GRIN3B: variants seen among roughly 807,000 people sequenced by gnomAD.
The protein encoded by GRIN3B is glutamate receptor ionotropic, NMDA 3B.
Under a neutral mutation model 66.0 loss-of-function variants are expected in GRIN3B, and 77 were observed. The observed-to-expected ratio is 1.17, with a 90% confidence interval of 0.97 to 1.41. GRIN3B has a LOEUF of 1.41. Ranked by LOEUF, GRIN3B falls within the 40% of genes most tolerant of loss-of-function variation. The pLI, the probability that GRIN3B is intolerant of heterozygous loss-of-function variation, is 0.00. For missense variants in GRIN3B, 1,787 were observed against 1,564.5 expected, an observed-to-expected ratio of 1.14 and a Z score of -2.40; for synonymous variants, 823 against 749.7, an observed-to-expected ratio of 1.10 and a Z score of -1.60.
At chr19:1,002,887 A>C (rs937480436) in intron 1 of GRIN3B, 5 of 404,386 alleles carry the variant, frequency 1.2e-5, no homozygotes, top group Non-Finnish European at 2.2e-5. Flanking sequence ...AAAAAAAACA[A>C]AAAACACCAA....
chr19:1,003,429 C>T lies in GRIN3B; in HGVS notation c.726C>T (p.Ile242=), dbSNP rs747863490. 16 of 1,542,814 alleles carry T rather than the reference C, an allele frequency of 1.0e-5. No individual in the cohort carries two copies. The highest frequency in any genetic ancestry group is 7.8e-5 in the Admixed American group (4 of 51,340). ...CGGCGGTCCTCCTCGGCTGTGACAT[C>T]GCCCGTGCCCGTCGGGTGCTGGAGG... ...VPAAVLLGCD[I]ARARRVLEAV... Residue 242 remains isoleucine, a synonymous_variant, in exon 2 of 9, where the codon ATC becomes ATT. Transcript: ENST00000234389.
chr19:1,008,317 T>C lies in GRIN3B; in HGVS notation c.2466+26T>C, dbSNP rs763133350. On this transcript the variant is annotated intron_variant, in intron 6 of 8. Transcript: ENST00000234389. ...GTGGGGCAGGGCCTGGGACAGAGGG[T>C]GGGGGTGGGGGTGGGCGTGGGGGGC... is the stretch of plus-strand genomic sequence containing the variant. The C allele has an allele frequency of 7.2e-5, 6 of 83,178 alleles. No individual in the cohort carries two copies. The African/African-American group carries it at 1.4e-3, about 20-fold the overall frequency. The allele number at this position is 83,178 out of a possible 1,614,324, so 5.2% of individuals were successfully genotyped here.
At position 1,003,394 on chromosome 19, in the gene GRIN3B, C is replaced by T. The variant is rs1323936348; in HGVS notation, c.691C>T (p.Pro231Ser). ...GGCGGCGCCAGTGGGGGGTGAAGCA[C>T]CGGTACCCGCGGCGGTCCTCCTCGG... ...PMAAPVGGEA[P>S]VPAAVLLGCD... is the part of the protein sequence containing the mutation. Residue 231 changes from proline to serine, a missense_variant, in exon 2 of 9, where the codon CCG (proline) becomes TCG (serine). Coordinates refer to ENST00000234389, the MANE Select transcript of GRIN3B (RefSeq NM_138690.3). 6.4e-7 allele frequency: 1 copy of T among 1,558,854 alleles called. No individual in the cohort carries two copies. The highest frequency in any genetic ancestry group is 8.6e-7 in the Non-Finnish European group (1 of 1,157,770).
rs779253822 is a variant in GRIN3B at position 1,003,210 on chromosome 19, C to A, written c.507C>A (p.His169Gln). The change falls in exon 2 of 9, where the codon CAC becomes CAA. Residue 169 changes from histidine to glutamine, a missense_variant. Transcript: ENST00000234389. Reference protein sequence around the residue: ...LDVLVAVLQAHAWEDVGLALC... With the variant: ...LDVLVAVLQAQAWEDVGLALC... Reference sequence around the variant, plus strand: ...TGCTGGTGGCGGTGCTGCAGGCGCACGCCTGGGAAGACGTCGGCCTGGCCC... The same window carrying A: ...TGCTGGTGGCGGTGCTGCAGGCGCAAGCCTGGGAAGACGTCGGCCTGGCCC... 1.8e-5 allele frequency: 28 copies of A among 1,559,974 alleles called. No homozygotes were observed. Among genetic ancestry groups the A allele is most frequent in the Non-Finnish European group, 2.3e-5 (26 of 1,154,600 alleles).
chr19:1,004,793 G>A lies in GRIN3B; in HGVS notation c.1292G>A (p.Arg431His), dbSNP rs201092021. ...TLLEHPFVFA[R>H]DPDEDGQCPA... ...TTGGAACACCCATTTGTGTTTGCCC[G>A]TGATCCAGACGAAGACGGGCAGTGC... The change falls in exon 3 of 9, where the codon CGT becomes CAT. Residue 431 changes from arginine to histidine, a missense_variant. Coordinates refer to ENST00000234389, the MANE Select transcript of GRIN3B (RefSeq NM_138690.3). 6.0e-5 allele frequency: 97 copies of A among 1,612,838 alleles called. No individual in the cohort carries two copies. The highest frequency in any genetic ancestry group is 5.8e-4 in the Admixed American group (35 of 60,020).
rs1234603544 is a variant in GRIN3B, at chr19:1,004,991, T to G, written c.1490T>G (p.Leu497Arg). The G allele has an allele frequency of 6.2e-7, 1 of 1,612,120 alleles. No individual in the cohort carries two copies. Among genetic ancestry groups the G allele is most frequent in the Non-Finnish European group, 8.5e-7 (1 of 1,179,600 alleles). ...GAGGACACGCCCTTCGACTTCGAGCTGTACCTCGTGGGTGACGGCAAGTAC... is the reference window on the plus strand; with the variant it reads ...GAGGACACGCCCTTCGACTTCGAGCGGTACCTCGTGGGTGACGGCAAGTAC... ...LAEDTPFDFE[L>R]YLVGDGKYGA... Residue 497 changes from leucine (L) to arginine (R), a missense_variant, in exon 3 of 9, where the codon CTG becomes CGG. Leu to Arg is a moderately radical substitution (Grantham distance 102). Transcript: ENST00000234389.
chr19:1,006,251 C>T lies in GRIN3B; in HGVS notation c.2052+698C>T, dbSNP rs113183999. On this transcript the variant is annotated intron_variant, in intron 3 of 8. Coordinates refer to ENST00000234389, the MANE Select transcript of GRIN3B (RefSeq NM_138690.3). ...GCAACCTCTGCCTCCTGGGCTCAAG[C>T]GATTCTCCTGCCTCAGCCTCCCAAG... Among the ~76,000 whole-genome samples the T allele has an allele frequency of 5.1e-3, 775 of 152,148 alleles. 6 individuals carry two copies. The highest frequency in any genetic ancestry group is 0.018 in the African/African-American group (731 of 41,526).
Position 1,000,630 on chromosome 19 carries a change from C to G in GRIN3B, c.193C>G (p.Arg65Gly), listed in dbSNP as rs1314459124. ...CCTGGCCCGGGCCGCCCTGGCGCCG[C>G]GGCTGCCGCACAACCTGAGCTTGGA... ...AALARAALAP[R>G]LPHNLSLELV... Residue 65 changes from arginine (R) to glycine (G), a missense_variant, in exon 1 of 9, where the codon CGG (arginine) becomes GGG (glycine). Coordinates refer to ENST00000234389, the MANE Select transcript of GRIN3B (RefSeq NM_138690.3). 1.1e-5 allele frequency: 13 copies of G among 1,199,030 alleles called. No homozygotes were observed. The highest frequency in any genetic ancestry group is 1.6e-5 in the African/African-American group (1 of 61,546). 74.3% of individuals were successfully genotyped at this position (1,199,030 alleles called of 1,614,324 possible).
At chr19:1,009,107 C>T in intron 8 of GRIN3B, 66 bp from the exon 9 acceptor site, 1 of 1,446,678 alleles carries the variant, frequency 6.9e-7, no homozygotes, top group Non-Finnish European at 9.1e-7. Flanking sequence ...TCAGCGGCCT[C>T]TGCAGAGGCC....
Position 1,007,947 on chromosome 19 carries a change from G to A in GRIN3B, c.2290G>A (p.Val764Met). 1 of 1,612,104 alleles carries A rather than the reference G, an allele frequency of 6.2e-7. No homozygotes were observed. The highest frequency in any genetic ancestry group is 8.5e-7 in the Non-Finnish European group (1 of 1,179,644). The change falls in exon 5 of 9, where the codon GTG (valine) becomes ATG (methionine). Residue 764 changes from valine to methionine, a missense_variant. Val to Met is a conservative substitution (Grantham distance 21, BLOSUM62 1). Transcript: ENST00000234389. The surrounding 1 kb of genome is among the most constrained non-coding windows in gnomAD (Gnocchi z 4.4). ...SIDADCKLLT[V>M]GKPFAIEGYG... ...CGACGCCGACTGCAAACTGCTGACC[G>A]TGGGAAAGCCCTTCGCCATTGAGGG... is the stretch of plus-strand genomic sequence containing the variant.
In GRIN3B at chr19:1,000,643, A is replaced by C; in HGVS notation, c.206A>C (p.Asn69Thr). 7.8e-7 allele frequency: 1 copy of C among 1,275,492 alleles called. No homozygotes were observed. Among genetic ancestry groups the C allele is most frequent in the Non-Finnish European group, 9.9e-7 (1 of 1,009,478 alleles). The allele number at this position is 1,275,492 out of a possible 1,614,324, so 79.0% of individuals were successfully genotyped here. ...GCCCTGGCGCCGCGGCTGCCGCACA[A>C]CCTGAGCTTGGAGCTGGTGGTCGCC... is the stretch of plus-strand genomic sequence containing the variant. The part of the protein sequence containing the change: ...RAALAPRLPH[N>T]LSLELVVAAP... The change falls in exon 1 of 9, where the codon AAC (asparagine) becomes ACC (threonine). Residue 69 changes from asparagine to threonine, a missense_variant. Coordinates refer to ENST00000234389, the MANE Select transcript of GRIN3B (RefSeq NM_138690.3).
In GRIN3B at chr19:1,007,753, C is replaced by T; in HGVS notation, c.2178C>T (p.Pro726=). 6.6e-7 allele frequency: 1 copy of T among 1,517,758 alleles called. No individual in the cohort carries two copies. The highest frequency in any genetic ancestry group is 2.7e-5 in the East Asian group (1 of 37,486). 94.0% of individuals were successfully genotyped at this position (1,517,758 alleles called of 1,614,324 possible). The change falls in exon 4 of 9, where the codon CCC becomes CCT. Residue 726 remains proline (P), a synonymous_variant. Coordinates refer to ENST00000234389, the MANE Select transcript of GRIN3B (RefSeq NM_138690.3). This position sits in a 1 kb window ranked among gnomAD's most constrained non-coding sequence, Gnocchi z 4.4. ...GGCGCCACAGCGCGCCCACCACGCC[C>T]CGCGGCGTCGCCATGCTCACGTGAG... ...HMRRHSAPTT[P]RGVAMLTSDP...
Position 1,000,637 on chromosome 19 carries a change from C to A in GRIN3B, c.200C>A (p.Pro67Gln). The A allele has an allele frequency of 8.1e-7, 1 of 1,240,954 alleles. No homozygotes were observed. The highest frequency in any genetic ancestry group is 1.0e-6 in the Non-Finnish European group (1 of 991,962). The allele number at this position is 1,240,954 out of a possible 1,614,324, so 76.9% of individuals were successfully genotyped here. Residue 67 changes from proline to glutamine, a missense_variant, in exon 1 of 9, where the codon CCG becomes CAG. Transcript: ENST00000234389. ...LARAALAPRL[P>Q]HNLSLELVVA... is the part of the protein sequence containing the mutation. ...CGGGCCGCCCTGGCGCCGCGGCTGC[C>A]GCACAACCTGAGCTTGGAGCTGGTG...
In GRIN3B at chr19:1,005,675, C is replaced by T. The variant is rs2038741589; in HGVS notation, c.2052+122C>T. Reference sequence around the variant, plus strand: ...ACGTCCACTAGGCCAACTCTGGTCCCAAGAGACATTTATTCAATTAATTTA... The same window carrying T: ...ACGTCCACTAGGCCAACTCTGGTCCTAAGAGACATTTATTCAATTAATTTA... On this transcript the variant is annotated intron_variant, in intron 3 of 8. Coordinates refer to ENST00000234389, the MANE Select transcript of GRIN3B (RefSeq NM_138690.3). The surrounding 1 kb of genome is among the most constrained non-coding windows in gnomAD (Gnocchi z 5.2). 1.5e-5 allele frequency: 11 copies of T among 717,886 alleles called. No homozygotes were observed. The East Asian group carries it at 3.1e-4, about 20-fold the overall frequency. The allele number at this position is 717,886 out of a possible 1,614,324, so 44.5% of individuals were successfully genotyped here. A position where few individuals can be genotyped will look rare whatever the true frequency, so the allele number is the denominator to read the frequency against.
In GRIN3B at chr19:1,005,219, T is replaced by C. The variant is rs199815808; in HGVS notation, c.1718T>C (p.Leu573Pro). Residue 573 changes from leucine (L) to proline (P), a missense_variant, in exon 3 of 9, where the codon CTG (leucine) becomes CCG (proline). Transcript: ENST00000234389. The surrounding 1 kb of genome is among the most constrained non-coding windows in gnomAD (Gnocchi z 5.2). ...ASPIGAFMWP[L>P]HWSTWLGVFA... ...CCCATCGGTGCCTTTATGTGGCCCC[T>C]GCACTGGTCCACGTGGCTGGGCGTC... 41 of 1,613,250 alleles carry C rather than the reference T, an allele frequency of 2.5e-5. No individual in the cohort carries two copies. In the African/African-American group the frequency reaches 3.6e-4, roughly 14 times the overall value.
intron 1 of GRIN3B, among the ~76,000 whole-genome samples, chr19:1,001,391 C>G (rs529638264): frequency 6.6e-6 from 1 of 152,112 alleles, no homozygotes; most frequent in East Asian, 1.9e-4. Flanking sequence ...TCCAAGATCC[C>G]AGAGCAGCCT....
intron 8 of GRIN3B, 101 bp downstream of exon 8, chr19:1,009,028 G>C: frequency 6.7e-7 from 1 of 1,483,858 alleles, no homozygotes; most frequent in South Asian, 1.2e-5. Flanking sequence ...GGTTCCCGGA[G>C]GTCCCCCGCC....
Position 1,008,779 on chromosome 19 carries a change from C to CCAGGTGGGGAG in GRIN3B, c.2630_2631+9dup. On this transcript the variant is annotated frameshift_variant, in exon 7 of 9. Transcript: ENST00000234389. LOFTEE classifies it high-confidence loss of function. The stretch of plus-strand genomic sequence containing the variant: ...GGCTGCAGTACTGGCTGCACACCAG[C>CCAGGTGGGGAG]CAGGTGGGGAGCGGGTGGGCGGCGG... 2.5e-6 allele frequency: 4 copies of CCAGGTGGGGAG among 1,601,208 alleles called. No homozygotes were observed. Among genetic ancestry groups the CCAGGTGGGGAG allele is most frequent in the Non-Finnish European group, 3.4e-6 (4 of 1,174,914 alleles).
In GRIN3B at chr19:1,007,802, G is replaced by A; in HGVS notation, c.2198+29G>A. Reference sequence around the variant, plus strand: ...AGCCCGGGCGCGGGGTGAGGCGGGGGCGGGGCGTGGGGTGGGCGGGGCGAT... The same window carrying A: ...AGCCCGGGCGCGGGGTGAGGCGGGGACGGGGCGTGGGGTGGGCGGGGCGAT... On this transcript the variant is annotated intron_variant, in intron 4 of 8. Transcript: ENST00000234389. This position sits in a 1 kb window ranked among gnomAD's most constrained non-coding sequence, Gnocchi z 4.4. 3.3e-6 allele frequency: 5 copies of A among 1,517,354 alleles called. No homozygotes were observed. Among genetic ancestry groups the A allele is most frequent in the East Asian group, 2.6e-5 (1 of 39,076 alleles). 94.0% of individuals were successfully genotyped at this position (1,517,354 alleles called of 1,614,324 possible). A position where few individuals can be genotyped will look rare whatever the true frequency, so the allele number is the denominator to read the frequency against.
Sources: gnomAD v4.1 joint callset for allele counts (sites outside exome capture counted in the v4.1 genomes callset) on GRCh38, gnomAD v4.1.1 for gene constraint, Gnocchi (gnomAD v3.1) non-coding constraint, MANE v1.5 for transcripts, NCBI Gene and HGNC (gene_info 2026-07-23, HGNC 2026-07-21) for gene names.